The following NEURL3 variants were observed in gnomAD, a reference collection of about 807,000 sequenced individuals.
NEURL3 encodes neuralized E3 ubiquitin protein ligase 3.
In NEURL3, 19 loss-of-function variants were observed where a neutral mutation model predicts 17.6. The observed-to-expected ratio is 1.08, with a 90% CI of 0.75 to 1.58. NEURL3 has a LOEUF of 1.58. Among genes scored for constraint, NEURL3 ranks in the 40% most tolerant of loss-of-function variants. The pLI is 0.00. For synonymous variants in NEURL3, 180 were observed against 161.4 expected, an observed-to-expected ratio of 1.11 and a Z score of -0.87; for missense variants, 342 against 379.6, an observed-to-expected ratio of 0.90 and a Z score of 0.82.
At chr2:96,503,499 G>C (rs1558600730) in intron 1 of NEURL3, among the ~76,000 whole-genome samples, 1 of 152,148 alleles carries the variant, frequency 6.6e-6, no homozygotes, top group East Asian at 1.9e-4. Context: ...GCAGCAAAAG[G>C]TCCCTTAGGG....
At chr2:96,502,417 AC>A (rs1341431121) in intron 1 of NEURL3, among the ~76,000 whole-genome samples, 3 of 151,800 alleles carry the variant, frequency 2.0e-5, no homozygotes, top group Admixed American at 6.6e-5. Flanking sequence ...CATGGCTAAC[AC>A]CCCCATTCCA....
chr2:96,498,281 T>A lies in NEURL3; in HGVS notation c.752A>T (p.Gln251Leu), dbSNP rs755566815. ...RWQIEAVAPA[Q>L]GPPALRVEEG... ...CTCAACCCTCAGAGCAGGAGGGCCC[T>A]GCGCAGGGGCTACCGCCTCTATCTG... The change falls in exon 4 of 4, where the codon CAG (glutamine) becomes CTG (leucine). Residue 251 changes from glutamine to leucine, a missense_variant. Coordinates refer to ENST00000451794, the MANE Select transcript of NEURL3 (RefSeq NM_001285485.2). This position sits in a 1 kb window ranked among gnomAD's most constrained non-coding sequence, Gnocchi z 4.4. 1 of 1,583,904 alleles carries A rather than the reference T, an allele frequency of 6.3e-7. No individual in the cohort carries two copies. Among genetic ancestry groups the A allele is most frequent in the African/African-American group, 1.3e-5 (1 of 74,688 alleles).
chr2:96,503,799 C>A (rs1244641766), intron 1 of NEURL3, among the ~76,000 whole-genome samples: 1 of 152,220 alleles, frequency 6.6e-6, no homozygotes, highest in Non-Finnish European at 1.5e-5. Context: ...ACACCCCACT[C>A]CCAGGGTGGG....
chr2:96,505,202 G>A lies in NEURL3; in HGVS notation c.28+57C>T, dbSNP rs190256974. 4 of 1,589,538 alleles carry A rather than the reference G, an allele frequency of 2.5e-6. No homozygotes were observed. In the East Asian group the frequency reaches 6.7e-5, roughly 27 times the overall value. Reference sequence around the variant, plus strand: ...CCAGCAATGACACAGAGCACCCTCTGCTACCTGTACCCCCAGTCCAGAGAC... The same window carrying A: ...CCAGCAATGACACAGAGCACCCTCTACTACCTGTACCCCCAGTCCAGAGAC... On this transcript the variant is annotated intron_variant, in intron 1 of 3. Transcript: ENST00000451794.
chr2:96,500,710 C>T lies in NEURL3; in HGVS notation c.243G>A (p.Thr81=), dbSNP rs2065496278. ...GWCGGLRVGF[T]RLDPACVSVP... is the part of the protein sequence containing the mutation. ...CGGACACGCACGCGGGGTCCAGGCG[C>T]GTGAAGCCCACGCGGAGGCCGCCGC... The change falls in exon 2 of 4, where the codon ACG becomes ACA. Residue 81 remains threonine (T), a synonymous_variant. Coordinates refer to ENST00000451794, the MANE Select transcript of NEURL3 (RefSeq NM_001285485.2). 4 of 1,517,020 alleles carry T rather than the reference C, an allele frequency of 2.6e-6. No individual in the cohort carries two copies. The highest frequency in any genetic ancestry group is 2.6e-6 in the Non-Finnish European group (3 of 1,138,982). 94.0% of individuals were successfully genotyped at this position (1,517,020 alleles called of 1,614,324 possible). A position where few individuals can be genotyped will look rare whatever the true frequency, so the allele number is the denominator to read the frequency against.
chr2:96,497,837 C>T lies in NEURL3; in HGVS notation c.*407G>A, dbSNP rs993012507. The T allele has an allele frequency of 1.2e-5, 2 of 169,160 alleles. No homozygotes were observed. The highest frequency in any genetic ancestry group is 2.5e-5 in the Non-Finnish European group (2 of 79,360). The allele number at this position is 169,160 out of a possible 1,614,324, so 10.5% of individuals were successfully genotyped here. ...TACTGGGGACTTGTGGGAGGCAACC[C>T]AGCTTCCATGTGGAACTTTATACAT... On this transcript the variant is annotated 3_prime_UTR_variant, in exon 4 of 4. Transcript: ENST00000451794.
intron 3 of NEURL3, chr2:96,499,040 A>T: frequency 1.8e-6 from 1 of 566,574 alleles, no homozygotes; most frequent in Non-Finnish European, 2.7e-6. Context: ...GGCCTCCCAA[A>T]GTATAGGGAT....
chr2:96,501,049 T>C, intron 1 of NEURL3, 125 bp from the exon 2 acceptor site: 1 of 1,198,212 alleles, frequency 8.3e-7, no homozygotes, highest in South Asian at 1.7e-5. Flanking sequence ...TAGGGACCAT[T>C]TCCACCTCTC....
At chr2:96,503,402 C>T (rs1341331866) in intron 1 of NEURL3, among the ~76,000 whole-genome samples, 6 of 152,164 alleles carry the variant, frequency 3.9e-5, no homozygotes, top group African/African-American at 1.2e-4. Context: ...CAGGTCATTC[C>T]GCAGCCGGGG....
upstream of NEURL3, among the ~76,000 whole-genome samples, chr2:96,506,964 C>G (rs568991863): frequency 5.9e-5 from 9 of 152,284 alleles, no homozygotes; most frequent in South Asian, 6.2e-4. Flanking sequence ...CAGGCATACC[C>G]GCCACACACT....
chr2:96,499,678 C>T (rs1430683961), intron 2 of NEURL3, among the ~76,000 whole-genome samples: 1 of 152,190 alleles, frequency 6.6e-6, no homozygotes, highest in Non-Finnish European at 1.5e-5. Context: ...GAGCCACCTT[C>T]CTTCAGGCCC....
At chr2:96,504,935 T>C (rs1414399168) in intron 1 of NEURL3, among the ~76,000 whole-genome samples, 1 of 149,304 alleles carries the variant, frequency 6.7e-6, no homozygotes, top group Non-Finnish European at 1.5e-5. Flanking sequence ...ATATGGCTCT[T>C]CCACTACGGG....
At chr2:96,506,904 G>A (rs1250777467), upstream of NEURL3, among the ~76,000 whole-genome samples, 1 of 152,244 alleles carries the variant, frequency 6.6e-6, no homozygotes, top group East Asian at 1.9e-4. Flanking sequence ...GGGCAGAGGA[G>A]GTCATTCTGA....
rs1007983481 is a variant in NEURL3 at position 96,505,119 on chromosome 2, C to T, written c.28+140G>A. On this transcript the variant is annotated intron_variant, in intron 1 of 3. Coordinates refer to ENST00000451794, the MANE Select transcript of NEURL3 (RefSeq NM_001285485.2). ...ACTTACCCAAGGTCCCATAGCTCAACTTGGCAGAACTGGGACCCCACCAGC... is the reference window on the plus strand; with the variant it reads ...ACTTACCCAAGGTCCCATAGCTCAATTTGGCAGAACTGGGACCCCACCAGC... The T allele has an allele frequency of 1.4e-4, 134 of 932,256 alleles. No homozygotes were observed. In the Middle Eastern group the frequency reaches 2.3e-3, roughly 16 times the overall value. 57.7% of individuals were successfully genotyped at this position (932,256 alleles called of 1,614,324 possible). A position where few individuals can be genotyped will look rare whatever the true frequency, so the allele number is the denominator to read the frequency against.
rs143263279 is a variant in NEURL3, at chr2:96,503,704, G to A, written c.28+1555C>T. Among the ~76,000 whole-genome samples the A allele has an allele frequency of 2.4e-4, 37 of 152,294 alleles. 1 individual carries two copies. The East Asian group carries it at 5.4e-3, about 22-fold the overall frequency. On this transcript the variant is annotated intron_variant, in intron 1 of 3. Coordinates refer to ENST00000451794, the MANE Select transcript of NEURL3 (RefSeq NM_001285485.2). ...TGGAGCAGGGTCGGGGTGGCCTGAC[G>A]GGTGTGATCACCACCTCCACTCCAC...
intron 2 of NEURL3, 36 bp downstream of exon 2, chr2:96,500,403 C>T (rs751741977): frequency 6.3e-7 from 1 of 1,595,158 alleles, no homozygotes; most frequent in Non-Finnish European, 8.5e-7. Context: ...CCCCCATCTC[C>T]CCACCTCCCC....
At position 96,500,448 on chromosome 2, in the gene NEURL3, C is replaced by G; in HGVS notation, c.505G>C (p.Glu169Gln). ...CCCATGGTCGCCTCACCCAGCAGCT[C>G]GATGGCCTTAGTGGTCCCATACACG... Reference protein sequence around the residue: ...MDVYGTTKAIELLDPTASRLP... With the variant: ...MDVYGTTKAIQLLDPTASRLP... The change falls in exon 2 of 4, where the codon GAG (glutamate) becomes CAG (glutamine). Residue 169 changes from glutamate to glutamine, a missense_variant. Coordinates refer to ENST00000451794, the MANE Select transcript of NEURL3 (RefSeq NM_001285485.2). 6.3e-7 allele frequency: 1 copy of G among 1,597,324 alleles called. No homozygotes were observed. Among genetic ancestry groups the G allele is most frequent in the South Asian group, 1.1e-5 (1 of 90,826 alleles).
At chr2:96,502,771 A>G (rs1183642767) in intron 1 of NEURL3, among the ~76,000 whole-genome samples, 1 of 152,242 alleles carries the variant, frequency 6.6e-6, no homozygotes, top group Non-Finnish European at 1.5e-5. Flanking sequence ...GGTGGCCGGC[A>G]TCCGAGCCCT....
chr2:96,503,541 T>C (rs1266626236), intron 1 of NEURL3, among the ~76,000 whole-genome samples: 3 of 152,224 alleles, frequency 2.0e-5, no homozygotes, highest in South Asian at 2.1e-4. Context: ...ACTCTTGGTC[T>C]GTCTGCATGG....
Sources: gnomAD v4.1 joint callset for allele counts (sites outside exome capture counted in the v4.1 genomes callset) on GRCh38, gnomAD v4.1.1 for gene constraint, Gnocchi (gnomAD v3.1) non-coding constraint, MANE v1.5 for transcripts, NCBI Gene and HGNC (gene_info 2026-07-23, HGNC 2026-07-21) for gene names.